Variants in RHOV observed in about 807,000 individuals in gnomAD.
RHOV encodes the protein rho-related GTP-binding protein RhoV.
In RHOV, 6 loss-of-function variants were observed where a neutral mutation model predicts 20.2. The observed-to-expected ratio is 0.30, with a 90% CI of 0.16 to 0.59. The LOEUF (loss-of-function observed/expected upper bound fraction) is 0.59, where lower values mean the gene tolerates loss of function less well. Among genes scored for constraint, RHOV ranks in the 20% least tolerant of loss-of-function variants. RHOV has a pLI of 0.89. For synonymous variants in RHOV, 136 were observed against 142.3 expected (o/e 0.96, Z 0.31); for missense variants, 275 against 319.4 (o/e 0.86, Z 1.06).
In RHOV at chr15:40,873,132, C is replaced by T; in HGVS notation, c.637G>A (p.Glu213Lys). The T allele has an allele frequency of 6.2e-7, 1 of 1,614,260 alleles. No homozygotes were observed. Among genetic ancestry groups the T allele is most frequent in the South Asian group, 1.1e-5 (1 of 91,086 alleles). The stretch of plus-strand genomic sequence containing the variant: ...ACACCTTTGGCATTCAGTTTCTTCT[C>T]CAGCCGGGCTTTGTGCTCAATGGCA... Reference protein sequence around the residue: ...LSAIEHKARLEKKLNAKGVRT... With the variant: ...LSAIEHKARLKKKLNAKGVRT... Residue 213 changes from glutamate to lysine, a missense_variant, in exon 3 of 3, where the codon GAG (glutamate) becomes AAG (lysine). Coordinates refer to ENST00000220507, the MANE Select transcript of RHOV (RefSeq NM_133639.4).
chr15:40,873,701 A>G lies in RHOV; in HGVS notation c.250T>C (p.Trp84Arg). 6.2e-7 allele frequency: 1 copy of G among 1,613,940 alleles called. No individual in the cohort carries two copies. The highest frequency in any genetic ancestry group is 8.5e-7 in the Non-Finnish European group (1 of 1,179,994). ...VDGAPVRIELWDTAGQEDFDR... is the reference protein window; with the variant it reads ...VDGAPVRIELRDTAGQEDFDR... ...CTTCTCACCTGTCCCGCTGTGTCCC[A>G]GAGCTCAATGCGCACCGGAGCTCCA... The change falls in exon 2 of 3, where the codon TGG becomes CGG. Residue 84 changes from tryptophan (W) to arginine (R), a missense_variant. By Grantham distance (101) the Trp-to-Arg change is moderately radical. Transcript: ENST00000220507.
In RHOV at chr15:40,873,812, G is replaced by A. The variant is rs1302501534; in HGVS notation, c.209-70C>T. 1.7e-5 allele frequency: 27 copies of A among 1,564,508 alleles called. No individual in the cohort carries two copies. The Middle Eastern group carries it at 5.7e-4, about 33-fold the overall frequency. On this transcript the variant is annotated intron_variant, in intron 1 of 2. Coordinates refer to ENST00000220507, the MANE Select transcript of RHOV (RefSeq NM_133639.4). ...TGGGCCGCACCAGCGCCACCTCGGGGCCTGCTCCAGTCTCCTCCCCGGGGT... is the reference window on the plus strand; with the variant it reads ...TGGGCCGCACCAGCGCCACCTCGGGACCTGCTCCAGTCTCCTCCCCGGGGT...
rs1891928044 is a variant in RHOV at position 40,874,141 on chromosome 15, G to A, written c.-2C>T. ...CTCGCTCAGCTCCCGCGGCGGCATGGCCCGCTCCGGGGGCAGCAGAGGGGC... is the reference window on the plus strand; with the variant it reads ...CTCGCTCAGCTCCCGCGGCGGCATGACCCGCTCCGGGGGCAGCAGAGGGGC... On this transcript the variant is annotated 5_prime_UTR_variant, in exon 1 of 3. Coordinates refer to ENST00000220507, the MANE Select transcript of RHOV (RefSeq NM_133639.4). 1 of 1,310,166 alleles carries A rather than the reference G, an allele frequency of 7.6e-7. No individual in the cohort carries two copies. The highest frequency in any genetic ancestry group is 2.0e-5 in the South Asian group (1 of 49,818). 81.2% of individuals were successfully genotyped at this position (1,310,166 alleles called of 1,614,324 possible).
rs1596164255 is a variant in RHOV, at chr15:40,873,102, T to G, written c.667A>C (p.Thr223Pro). 2 of 1,614,140 alleles carry G rather than the reference T, an allele frequency of 1.2e-6. No homozygotes were observed. Among genetic ancestry groups the G allele is most frequent in the African/African-American group, 2.7e-5 (2 of 75,044 alleles). The change falls in exon 3 of 3, where the codon ACC becomes CCC. Residue 223 changes from threonine to proline, a missense_variant. Thr to Pro is a conservative substitution (Grantham distance 38). Coordinates refer to ENST00000220507, the MANE Select transcript of RHOV (RefSeq NM_133639.4). Reference protein sequence around the residue: ...EKKLNAKGVRTLSRCRWKKFF... With the variant: ...EKKLNAKGVRPLSRCRWKKFF... ...TTCTTCCAGCGGCAGCGGGAGAGGG[T>G]GCGCACACCTTTGGCATTCAGTTTC...
At chr15:40,873,810 G>A in intron 1 of RHOV, 68 bp from the exon 2 acceptor site, 1 of 1,574,546 alleles carries the variant, frequency 6.4e-7, no homozygotes. Context: ...CGCCACCTCG[G>A]GGCCTGCTCC....
chr15:40,873,516 C>T lies in RHOV; in HGVS notation c.268-15G>A. 5.0e-6 allele frequency: 8 copies of T among 1,593,222 alleles called. No individual in the cohort carries two copies. In the Middle Eastern group the frequency reaches 6.7e-4, roughly 134 times the overall value. ...TCAAAATCCTCCTGGGGTGGGAAGG[C>T]CAGGTGGTAAGGATTAGCCCCCCGA... On this transcript the variant is annotated splice_polypyrimidine_tract_variant and intron_variant, in intron 2 of 2. Coordinates refer to ENST00000220507, the MANE Select transcript of RHOV (RefSeq NM_133639.4).
intron 2 of RHOV, 64 bp downstream of exon 2, chr15:40,873,620 G>A (rs576316125): frequency 1.3e-6 from 2 of 1,590,440 alleles, no homozygotes; most frequent in South Asian, 2.2e-5. Flanking sequence ...TGCTCCATAT[G>A]GGGTCCTCCC....
At chr15:40,873,764 A>C in intron 1 of RHOV, 22 bp from the exon 2 acceptor site, 1 of 1,610,642 alleles carries the variant, frequency 6.2e-7, no homozygotes, top group Non-Finnish European at 8.5e-7. Flanking sequence ...GGGCGGGGAG[A>C]GCCTGAGTTA....
Position 40,873,070 on chromosome 15 carries a change from G to T in RHOV, c.699C>A (p.Phe233Leu). ...CAGCCATAGCTGCTCAAACGAAGCA[G>T]AAGAACTTCTTCCAGCGGCAGCGGG... ...TLSRCRWKKFFCFV is the reference protein window; with the variant it reads ...TLSRCRWKKFLCFV Residue 233 changes from phenylalanine to leucine, a missense_variant, in exon 3 of 3, where the codon TTC becomes TTA. Phe to Leu is a conservative substitution (Grantham distance 22). Coordinates refer to ENST00000220507, the MANE Select transcript of RHOV (RefSeq NM_133639.4). The T allele has an allele frequency of 6.2e-7, 1 of 1,613,562 alleles. No homozygotes were observed. Among genetic ancestry groups the T allele is most frequent in the South Asian group, 1.1e-5 (1 of 91,040 alleles).
At chr15:40,873,659 G>A in intron 2 of RHOV, 25 bp downstream of exon 2, 1 of 1,613,020 alleles carries the variant, frequency 6.2e-7, no homozygotes, top group South Asian at 1.1e-5. Context: ...CCGCAGACCA[G>A]TAGAGGCCGC....
At position 40,874,113 on chromosome 15, in the gene RHOV, G is replaced by T. The variant is rs927605090; in HGVS notation, c.27C>A (p.Ala9=). ...TCGGGGCCCGGAGCGGGGGCGGCTCGGCCTCGCTCAGCTCCCGCGGCGGCA... is the reference window on the plus strand; with the variant it reads ...TCGGGGCCCGGAGCGGGGGCGGCTCTGCCTCGCTCAGCTCCCGCGGCGGCA... MPPRELSE[A]EPPPLRAPTP... Residue 9 remains alanine, a synonymous_variant, in exon 1 of 3, where the codon GCC becomes GCA. Coordinates refer to ENST00000220507, the MANE Select transcript of RHOV (RefSeq NM_133639.4). The T allele has an allele frequency of 7.2e-7, 1 of 1,379,812 alleles. No individual in the cohort carries two copies. The allele number at this position is 1,379,812 out of a possible 1,614,324, so 85.5% of individuals were successfully genotyped here. A position where few individuals can be genotyped will look rare whatever the true frequency, so the allele number is the denominator to read the frequency against.
chr15:40,874,015 A>C lies in RHOV; in HGVS notation c.125T>G (p.Val42Gly). The C allele has an allele frequency of 6.2e-7, 1 of 1,604,968 alleles. No individual in the cohort carries two copies. The highest frequency in any genetic ancestry group is 8.5e-7 in the Non-Finnish European group (1 of 1,176,896). The change falls in exon 1 of 3, where the codon GTG becomes GGG. Residue 42 changes from valine (V) to glycine (G), a missense_variant. Val to Gly is a moderately radical substitution (Grantham distance 109). Transcript: ENST00000220507. ...GCTGACGATGAGGCTGCTCTTGCCC[A>C]CGGCGCCGTCGCCCACCAGCACGCA... Reference protein sequence around the residue: ...IKCVLVGDGAVGKSSLIVSYT... With the variant: ...IKCVLVGDGAGGKSSLIVSYT...
In RHOV at chr15:40,873,436, G is replaced by T. The variant is rs200872723; in HGVS notation, c.333C>A (p.Ser111Arg). Residue 111 changes from serine (S) to arginine (R), a missense_variant, in exon 3 of 3, where the codon AGC (serine) becomes AGA (arginine). Coordinates refer to ENST00000220507, the MANE Select transcript of RHOV (RefSeq NM_133639.4). ...TTTGAAAGGAGCTGGGCTGCACCACGCTGAAGCACGCCAGGAAGACATCGG... is the reference window on the plus strand; with the variant it reads ...TTTGAAAGGAGCTGGGCTGCACCACTCTGAAGCACGCCAGGAAGACATCGG... ...PDTDVFLACF[S>R]VVQPSSFQNI... is the part of the protein sequence containing the mutation. 1.2e-5 allele frequency: 19 copies of T among 1,609,574 alleles called. No individual in the cohort carries two copies. Among genetic ancestry groups the T allele is most frequent in the Non-Finnish European group, 1.5e-5 (18 of 1,178,316 alleles).
chr15:40,873,450 G>T lies in RHOV; in HGVS notation c.319C>A (p.Leu107Met). 2 of 1,605,522 alleles carry T rather than the reference G, an allele frequency of 1.2e-6. No individual in the cohort carries two copies. The highest frequency in any genetic ancestry group is 8.5e-7 in the Non-Finnish European group (1 of 1,176,060). The change falls in exon 3 of 3, where the codon CTG (leucine) becomes ATG (methionine). Residue 107 changes from leucine (L) to methionine (M), a missense_variant. Transcript: ENST00000220507. ...GGCTGCACCACGCTGAAGCACGCCA[G>T]GAAGACATCGGTATCCGGGTAGCAA... The part of the protein sequence containing the change: ...SLCYPDTDVF[L>M]ACFSVVQPSS...
Position 40,872,299 on chromosome 15 carries a change from C to G in RHOV, c.*759G>C, listed in dbSNP as rs1891895715. The G allele has an allele frequency of 6.6e-6, 1 of 152,556 alleles. No individual in the cohort carries two copies. The highest frequency in any genetic ancestry group is 6.5e-5 in the Admixed American group (1 of 15,288). 9.5% of individuals were successfully genotyped at this position (152,556 alleles called of 1,614,324 possible). ...CCTTGAGGAAAGGGATGATCCCCAA[C>G]CCGGTCCTCCTTCAGGTTCTAATTT... On this transcript the variant is annotated 3_prime_UTR_variant, in exon 3 of 3. Transcript: ENST00000220507.
chr15:40,874,112 C>T lies in RHOV; in HGVS notation c.28G>A (p.Glu10Lys), dbSNP rs1037858448. 2.2e-5 allele frequency: 31 copies of T among 1,379,420 alleles called. No homozygotes were observed. Among genetic ancestry groups the T allele is most frequent in the African/African-American group, 3.1e-5 (2 of 65,258 alleles). 85.4% of individuals were successfully genotyped at this position (1,379,420 alleles called of 1,614,324 possible). ...GTCGGGGCCCGGAGCGGGGGCGGCT[C>T]GGCCTCGCTCAGCTCCCGCGGCGGC... Reference protein sequence around the residue: MPPRELSEAEPPPLRAPTPP... With the variant: MPPRELSEAKPPPLRAPTPP... The change falls in exon 1 of 3, where the codon GAG becomes AAG. Residue 10 changes from glutamate (E) to lysine (K), a missense_variant. Glu to Lys is a moderately conservative substitution (Grantham distance 56). Coordinates refer to ENST00000220507, the MANE Select transcript of RHOV (RefSeq NM_133639.4).
Position 40,872,835 on chromosome 15 carries a change from G to A in RHOV, c.*223C>T. The stretch of plus-strand genomic sequence containing the variant: ...AAATCAAAGTGCCAGGTTTTTTTCT[G>A]TGAGCTTTGACTGGAGAAATCCAAA... On this transcript the variant is annotated 3_prime_UTR_variant, in exon 3 of 3. Transcript: ENST00000220507. 1 of 529,714 alleles carries A rather than the reference G, an allele frequency of 1.9e-6. No individual in the cohort carries two copies. Among genetic ancestry groups the A allele is most frequent in the Non-Finnish European group, 3.3e-6 (1 of 299,736 alleles). 32.8% of individuals were successfully genotyped at this position (529,714 alleles called of 1,614,324 possible).
intron 1 of RHOV, 90 bp from the exon 2 acceptor site, chr15:40,873,832 C>G (rs1438836017): frequency 1.3e-6 from 2 of 1,542,940 alleles, no homozygotes; most frequent in Non-Finnish European, 1.8e-6. Flanking sequence ...GTCTCCTCCC[C>G]GGGGTCCTCT....
Position 40,873,921 on chromosome 15 carries a change from A to C in RHOV, c.208+11T>G. The C allele has an allele frequency of 6.2e-7, 1 of 1,604,696 alleles. No individual in the cohort carries two copies. Among genetic ancestry groups the C allele is most frequent in the Non-Finnish European group, 8.5e-7 (1 of 1,175,324 alleles). On this transcript the variant is annotated intron_variant, in intron 1 of 2. Transcript: ENST00000220507. Reference sequence around the variant, plus strand: ...AGCCACGCGGCCGCACGGGCGATTGAACGTACGTACCAGAGAAGGTGTCCA... The same window carrying C: ...AGCCACGCGGCCGCACGGGCGATTGCACGTACGTACCAGAGAAGGTGTCCA...
Sources: allele counts gnomAD v4.1 joint callset, GRCh38; gene constraint gnomAD v4.1.1; transcripts MANE v1.5; gene names NCBI Gene and HGNC (gene_info 2026-07-23, HGNC 2026-07-21).